Variants in HDAC9 observed in about 807,000 individuals in gnomAD.
HDAC9 encodes histone deacetylase 9.
HDAC9 carries 41 observed loss-of-function variants against 139.4 expected under a neutral mutation model. The ratio of observed to expected loss-of-function variants is 0.29; its 90% CI spans 0.23 to 0.38. The LOEUF (loss-of-function observed/expected upper bound fraction) is 0.38. HDAC9 is among the 10% of genes least tolerant of loss of function. The pLI, the probability that HDAC9 is intolerant of heterozygous loss-of-function variation, is 1.00. For missense variants in HDAC9, 1,147 were observed against 1,297.0 expected (o/e 0.88, Z 1.78); for synonymous variants, 517 against 476.2 (o/e 1.09, Z -1.12).
At chr7:18,685,457 C>T (rs578106367) in intron 12 of HDAC9, among the ~76,000 whole-genome samples, 2 of 152,016 alleles carry the variant, frequency 1.3e-5, no homozygotes, top group South Asian at 4.2e-4. Context: ...TGATCTTCAT[C>T]GAAAGACTAT....
intron 2 of HDAC9, among the ~76,000 whole-genome samples, chr7:18,261,779 A>T (rs1795694570): frequency 6.6e-6 from 1 of 152,196 alleles, no homozygotes; most frequent in African/African-American, 2.4e-5. Flanking sequence ...TAAAAGGCAT[A>T]TTCCCTTTGT....
intron 2 of HDAC9, among the ~76,000 whole-genome samples, chr7:18,535,265 T>G (rs1277697380): frequency 6.6e-6 from 1 of 152,156 alleles, no homozygotes; most frequent in Non-Finnish European, 1.5e-5. Context: ...ATGCATTTGG[T>G]CAATCCATCA....
At chr7:18,472,898 G>T (rs1020837784) in intron 1 of HDAC9, among the ~76,000 whole-genome samples, 1 of 152,186 alleles carries the variant, frequency 6.6e-6, no homozygotes, top group Non-Finnish European at 1.5e-5. Context: ...GTTTAGAACA[G>T]CACCTGATGT....
chr7:18,392,919 C>CAAAAAAAAA (rs773532939), intron 1 of HDAC9, among the ~76,000 whole-genome samples: 4 of 44,542 alleles, frequency 9.0e-5, no homozygotes, highest in African/African-American at 1.8e-4. Context: ...CCATGACTGG[C>CAAAAAAAAA]AAAAAAAAAA....
At chr7:18,335,375 G>A (rs979502416) in intron 1 of HDAC9, among the ~76,000 whole-genome samples, 3 of 151,412 alleles carry the variant, frequency 2.0e-5, no homozygotes, top group Non-Finnish European at 4.4e-5. Context: ...CAGGTAGGAC[G>A]GTGACCCAGA....
intron 17 of HDAC9, among the ~76,000 whole-genome samples, chr7:18,828,352 C>G (rs1413198485): frequency 1.3e-5 from 2 of 152,152 alleles, no homozygotes; most frequent in African/African-American, 4.8e-5. Flanking sequence ...GTCAAACAAC[C>G]CAACTTTTCT....
chr7:18,096,269 C>G (rs1782494716), intron 1 of HDAC9, among the ~76,000 whole-genome samples: 1 of 152,206 alleles, frequency 6.6e-6, no homozygotes, highest in Middle Eastern at 3.4e-3. Flanking sequence ...CCTGTGCTAC[C>G]CAGTGTTCTG....
chr7:18,726,308 G>A (rs988066416), intron 12 of HDAC9, among the ~76,000 whole-genome samples: 1 of 152,140 alleles, frequency 6.6e-6, no homozygotes, highest in African/African-American at 2.4e-5. Flanking sequence ...GAAAATACAG[G>A]ATGAGTATGA....
intron 2 of HDAC9, among the ~76,000 whole-genome samples, chr7:18,282,759 G>A (rs1029100090): frequency 3.9e-5 from 6 of 152,024 alleles, no homozygotes; most frequent in Admixed American, 3.9e-4. Context: ...TGGCCACATG[G>A]TTGATGTTGT....
At chr7:18,610,104 A>G (rs1836697887) in intron 6 of HDAC9, among the ~76,000 whole-genome samples, 1 of 152,144 alleles carries the variant, frequency 6.6e-6, no homozygotes, top group Non-Finnish European at 1.5e-5. Context: ...ACGCACACAT[A>G]TGTTTATTGC....
intron 11 of HDAC9, among the ~76,000 whole-genome samples, chr7:18,654,746 C>A (rs1790526024): frequency 6.6e-6 from 1 of 152,040 alleles, no homozygotes; most frequent in South Asian, 2.1e-4. Flanking sequence ...TCTTATTTTT[C>A]TTTTGCACCG....
chr7:18,165,358 A>G (rs1787931176), intron 2 of HDAC9, among the ~76,000 whole-genome samples: 1 of 152,234 alleles, frequency 6.6e-6, no homozygotes, highest in South Asian at 2.1e-4. Context: ...TAGTCCATTC[A>G]ACAGCACTAG....
chr7:18,568,020 GTATA>G lies in HDAC9; in HGVS notation c.23-17259_23-17256del, dbSNP rs1298781990. Among the ~76,000 whole-genome samples, 365 of 48,836 alleles carry G rather than the reference GTATA, an allele frequency of 7.5e-3. 7 individuals are homozygous for G. Among genetic ancestry groups the G allele is most frequent in the African/African-American group, 0.042 (350 of 8,256 alleles). 32.0% of individuals were successfully genotyped at this position (48,836 alleles called of 152,430 possible). On this transcript the variant is annotated intron_variant, in intron 2 of 25. Transcript: ENST00000686413. The stretch of plus-strand genomic sequence containing the variant: ...GTTAGTTTATACATACAGGATATAT[GTATA>G]TGTATATATATATATATATATATAT...
chr7:18,433,150 A>T (rs1191472651), intron 1 of HDAC9, among the ~76,000 whole-genome samples: 1 of 152,190 alleles, frequency 6.6e-6, no homozygotes, highest in Non-Finnish European at 1.5e-5. Flanking sequence ...AAGCCACATG[A>T]TCATCTCAAT....
chr7:18,375,526 T>C (rs1297217209), intron 1 of HDAC9, among the ~76,000 whole-genome samples: 1 of 152,096 alleles, frequency 6.6e-6, no homozygotes, highest in Non-Finnish European at 1.5e-5. Flanking sequence ...GCGGTTGGTA[T>C]ATGGTAGGCC....
At chr7:18,240,954 T>C (rs769966275) in intron 2 of HDAC9, among the ~76,000 whole-genome samples, 16 of 152,154 alleles carry the variant, frequency 1.1e-4, no homozygotes, top group Admixed American at 2.0e-4. Context: ...ATTGAGACCT[T>C]CCTTGACCAT....
chr7:18,201,539 A>G (rs1229568629), intron 2 of HDAC9, among the ~76,000 whole-genome samples: 1 of 152,170 alleles, frequency 6.6e-6, no homozygotes, highest in East Asian at 1.9e-4. Context: ...CCTCATCTGC[A>G]GGGCCCACCC....
intron 16 of HDAC9, among the ~76,000 whole-genome samples, chr7:18,780,829 C>G (rs971413826): frequency 1.3e-5 from 2 of 151,976 alleles, no homozygotes; most frequent in Admixed American, 1.3e-4. Context: ...CACCCATAAC[C>G]CTATGCCTAG....
chr7:18,683,922 C>T (rs1226839411), intron 12 of HDAC9, among the ~76,000 whole-genome samples: 1 of 151,830 alleles, frequency 6.6e-6, no homozygotes. Context: ...TCATGAAGAC[C>T]AGAAAACAAT....
Sources: gnomAD v4.1 joint callset for allele counts (sites outside exome capture counted in the v4.1 genomes callset) on GRCh38, gnomAD v4.1.1 for gene constraint, MANE v1.5 for transcripts, NCBI Gene and HGNC (gene_info 2026-07-23, HGNC 2026-07-21) for gene names.